Variants in NLGN1 observed in about 807,000 individuals in gnomAD.
The protein encoded by NLGN1 is neuroligin-1.
NLGN1 carries 12 observed loss-of-function variants against 65.5 expected under a neutral mutation model. The ratio of observed to expected loss-of-function variants is 0.18; its 90% CI spans 0.12 to 0.30. The LOEUF (loss-of-function observed/expected upper bound fraction) is 0.30. NLGN1 is among the 10% of genes least tolerant of loss of function. The pLI, the probability that NLGN1 is intolerant of heterozygous loss-of-function variation, is 1.00. For synonymous variants in NLGN1, 350 were observed against 359.5 expected, an observed-to-expected ratio of 0.97 and a Z score of 0.30; for missense variants, 750 against 1,007.1, an observed-to-expected ratio of 0.74 and a Z score of 3.46.
At chr3:173,732,550 T>G (rs1485988574) in intron 3 of NLGN1, among the ~76,000 whole-genome samples, 1 of 152,122 alleles carries the variant, frequency 6.6e-6, no homozygotes, top group Non-Finnish European at 1.5e-5. Context: ...GCAGTTTCAT[T>G]CATGAGATAA....
At chr3:173,840,281 C>A (rs1724532053) in intron 4 of NLGN1, among the ~76,000 whole-genome samples, 1 of 152,142 alleles carries the variant, frequency 6.6e-6, no homozygotes, top group South Asian at 2.1e-4. Flanking sequence ...TAACTTACAA[C>A]AAGCAGTTCT....
At chr3:173,999,428 A>C (rs1235009948) in intron 4 of NLGN1, among the ~76,000 whole-genome samples, 2 of 152,176 alleles carry the variant, frequency 1.3e-5, no homozygotes, top group African/African-American at 4.8e-5. Context: ...GAGGAGTTCT[A>C]GGAAATGATT....
chr3:173,694,790 C>T (rs571609884), intron 3 of NLGN1, among the ~76,000 whole-genome samples: 13 of 152,194 alleles, frequency 8.5e-5, no homozygotes, highest in Non-Finnish European at 1.8e-4. Flanking sequence ...TTTGTGTTGC[C>T]TTTTATTGAC....
chr3:173,782,188 C>T (rs1049084310), intron 3 of NLGN1, among the ~76,000 whole-genome samples: 1 of 151,730 alleles, frequency 6.6e-6, no homozygotes, highest in African/African-American at 2.4e-5. Context: ...TTGCTATGGT[C>T]AATTTGGGAA....
At chr3:174,272,695 A>ATAGAT (rs1435485540) in intron 4 of NLGN1, among the ~76,000 whole-genome samples, 3 of 150,394 alleles carry the variant, frequency 2.0e-5, no homozygotes, top group Non-Finnish European at 4.5e-5. Flanking sequence ...AGATAGATAG[A>ATAGAT]TAGATAGATA....
intron 4 of NLGN1, among the ~76,000 whole-genome samples, chr3:174,019,203 T>G (rs562757383): frequency 6.6e-6 from 1 of 152,306 alleles, no homozygotes; most frequent in African/African-American, 2.4e-5. Flanking sequence ...TGCTATGGTT[T>G]GAATGTGTCC....
At chr3:174,194,003 C>T (rs13076207) in intron 4 of NLGN1, among the ~76,000 whole-genome samples, 112,216 of 151,994 alleles carry the variant, frequency 0.74, 41,505 homozygotes, top group East Asian at 0.83. Flanking sequence ...AAGGGAACAC[C>T]ATAGCATACC....
chr3:173,807,532 G>A, intron 3 of NLGN1, 148 bp from the exon 4 acceptor site: 1 of 803,216 alleles, frequency 1.2e-6, no homozygotes, highest in East Asian at 2.8e-5. Flanking sequence ...ATTCATATGA[G>A]TTGCTTAAGA....
intron 2 of NLGN1, among the ~76,000 whole-genome samples, chr3:173,451,244 G>C (rs1444187474): frequency 2.0e-5 from 3 of 152,108 alleles, no homozygotes; most frequent in Non-Finnish European, 4.4e-5. Context: ...TTTTGGTGTG[G>C]ATGTCCTTTC....
At chr3:173,887,714 A>G (rs1734611261) in intron 4 of NLGN1, among the ~76,000 whole-genome samples, 1 of 151,534 alleles carries the variant, frequency 6.6e-6, no homozygotes, top group South Asian at 2.1e-4. Context: ...TCATTTTTAA[A>G]ATATACTAGT....
At chr3:174,233,568 A>G (rs953372853) in intron 4 of NLGN1, among the ~76,000 whole-genome samples, 4 of 152,052 alleles carry the variant, frequency 2.6e-5, no homozygotes, top group Non-Finnish European at 5.9e-5. Context: ...CAAGAATGCT[A>G]TATGTGTCAT....
At chr3:173,485,466 A>G (rs1335510878) in intron 2 of NLGN1, among the ~76,000 whole-genome samples, 1 of 152,178 alleles carries the variant, frequency 6.6e-6, no homozygotes, top group Admixed American at 6.6e-5. Context: ...TAATTTTTCA[A>G]GTCCCATAAA....
At chr3:174,205,325 A>C (rs1735197382) in intron 4 of NLGN1, among the ~76,000 whole-genome samples, 1 of 152,120 alleles carries the variant, frequency 6.6e-6, no homozygotes, top group African/African-American at 2.4e-5. Flanking sequence ...TGCAATTTTC[A>C]AAAAGAAAAT....
intron 2 of NLGN1, among the ~76,000 whole-genome samples, chr3:173,593,991 C>A (rs1168365365): frequency 6.6e-6 from 1 of 152,100 alleles, no homozygotes; most frequent in Non-Finnish European, 1.5e-5. Context: ...CCCACTGGGT[C>A]CCCCCGACAA....
intron 2 of NLGN1, among the ~76,000 whole-genome samples, chr3:173,554,118 C>A (rs922220250): frequency 6.6e-5 from 10 of 151,916 alleles, no homozygotes; most frequent in Non-Finnish European, 1.2e-4. Context: ...ATATTTGAAT[C>A]CACTTTATTT....
At chr3:173,470,410 A>G (rs913283610) in intron 2 of NLGN1, among the ~76,000 whole-genome samples, 8 of 152,016 alleles carry the variant, frequency 5.3e-5, no homozygotes, top group Non-Finnish European at 1.2e-4. Context: ...AAATTCACCC[A>G]TGGCCCAGCT....
intron 4 of NLGN1, among the ~76,000 whole-genome samples, chr3:174,123,643 T>A (rs28690179): frequency 0.058 from 8,786 of 152,180 alleles, 832 homozygotes; most frequent in African/African-American, 0.2. Context: ...ACTGAAGCTC[T>A]TGCTTCCATG....
chr3:173,619,278 C>T (rs907619550), intron 3 of NLGN1, among the ~76,000 whole-genome samples: 1 of 152,060 alleles, frequency 6.6e-6, no homozygotes, highest in Non-Finnish European at 1.5e-5. Flanking sequence ...CCCTTCACAT[C>T]TAAGGGGAGC....
intron 4 of NLGN1, among the ~76,000 whole-genome samples, chr3:174,130,479 C>G (rs541611352): frequency 4.6e-5 from 7 of 152,230 alleles, no homozygotes; most frequent in Middle Eastern, 3.4e-3. Flanking sequence ...CCTGACAGCT[C>G]TAAGTCCTCG....
Sources: gnomAD v4.1 joint callset for allele counts (sites outside exome capture counted in the v4.1 genomes callset) on GRCh38, gnomAD v4.1.1 for gene constraint, MANE v1.5 for transcripts, NCBI Gene and HGNC (gene_info 2026-07-23, HGNC 2026-07-21) for gene names.